The following SGMS1 variants were observed in gnomAD, a reference collection of about 807,000 sequenced individuals.
The protein encoded by SGMS1 is phosphatidylcholine:ceramide cholinephosphotransferase 1.
Under a neutral mutation model 46.2 loss-of-function variants are expected in SGMS1, and 13 were observed. That is an observed-to-expected ratio of 0.28 (90% CI 0.18 to 0.45). The LOEUF (loss-of-function observed/expected upper bound fraction) is 0.45, where lower values mean the gene tolerates loss of function less well. Among genes scored for constraint, SGMS1 ranks in the 20% least tolerant of loss-of-function variants. The pLI, the probability that SGMS1 is intolerant of heterozygous loss-of-function variation, is 1.00. For missense variants in SGMS1, 324 were observed against 519.9 expected (o/e 0.62, Z 3.66); for synonymous variants, 203 against 187.8 (o/e 1.08, Z -0.66).
chr10:50,557,672 C>A (rs1838199570), intron 2 of SGMS1, among the ~76,000 whole-genome samples: 2 of 131,380 alleles, frequency 1.5e-5, no homozygotes, highest in Admixed American at 7.8e-5. Context: ...AATAAACACA[C>A]AAACTCTAAC....
At position 50,500,357 on chromosome 10, in the gene SGMS1, T is replaced by A. The variant is rs548277297; in HGVS notation, c.-498+19474A>T. ...TGTTCTGTTTATAGAAATTTACTAA[T>A]AAATTACAGTAAAATATAAAACAAT... On this transcript the variant is annotated intron_variant, in intron 3 of 10. Transcript: ENST00000361781. Among the ~76,000 whole-genome samples the A allele has an allele frequency of 3.9e-5, 6 of 152,250 alleles. No individual in the cohort carries two copies. In the South Asian group the frequency reaches 1.2e-3, roughly 32 times the overall value.
intron 5 of SGMS1, among the ~76,000 whole-genome samples, chr10:50,442,286 C>G (rs1849556195): frequency 6.6e-6 from 1 of 151,740 alleles, no homozygotes; most frequent in African/African-American, 2.4e-5. Flanking sequence ...TTTCGTCACC[C>G]AAGTATTAAG....
intron 2 of SGMS1, among the ~76,000 whole-genome samples, chr10:50,539,116 G>A (rs889655405): frequency 2.0e-5 from 3 of 152,238 alleles, no homozygotes; most frequent in African/African-American, 7.2e-5. Context: ...GCCCTGGTGA[G>A]CATGAAGGGC....
chr10:50,391,640 C>T (rs1848768739), intron 6 of SGMS1, among the ~76,000 whole-genome samples: 1 of 151,968 alleles, frequency 6.6e-6, no homozygotes, highest in Non-Finnish European at 1.5e-5. Context: ...ACAGAATTAC[C>T]ATTAGACCTA....
chr10:50,375,510 G>A (rs531720550), intron 6 of SGMS1, among the ~76,000 whole-genome samples: 141 of 152,294 alleles, frequency 9.3e-4, no homozygotes, highest in African/African-American at 2.9e-3. Context: ...GTTGGCCAAG[G>A]CACAAATCTT....
chr10:50,477,761 G>A (rs188861024), intron 3 of SGMS1, among the ~76,000 whole-genome samples: 162 of 152,240 alleles, frequency 1.1e-3, no homozygotes, highest in African/African-American at 3.8e-3. Flanking sequence ...TAAAACATGT[G>A]TAGTACCTCC....
At chr10:50,623,266 G>C (rs913817818) in intron 1 of SGMS1, among the ~76,000 whole-genome samples, 2 of 152,162 alleles carry the variant, frequency 1.3e-5, no homozygotes, top group African/African-American at 4.8e-5. Flanking sequence ...TGGGGGTGGA[G>C]CCGTGATTGG....
At chr10:50,342,870 ACT>A in intron 7 of SGMS1, 1 of 152,166 alleles carries the variant, frequency 6.6e-6, no homozygotes, top group East Asian at 1.9e-4. Context: ...CCTACTTAAA[ACT>A]CTGAGAAATT....
At chr10:50,517,086 G>A (rs996163064) in intron 3 of SGMS1, among the ~76,000 whole-genome samples, 2 of 152,154 alleles carry the variant, frequency 1.3e-5, no homozygotes, top group Non-Finnish European at 2.9e-5. Flanking sequence ...AAGTGGTCCT[G>A]GGTCTGTAGC....
intron 1 of SGMS1, among the ~76,000 whole-genome samples, chr10:50,612,107 C>G (rs1259198324): frequency 1.3e-5 from 2 of 152,198 alleles, no homozygotes; most frequent in Non-Finnish European, 2.9e-5. Context: ...ACCATCCTGC[C>G]CCAGGGCTTT....
At chr10:50,561,913 A>G (rs1320502786) in intron 2 of SGMS1, among the ~76,000 whole-genome samples, 1 of 152,004 alleles carries the variant, frequency 6.6e-6, no homozygotes, top group African/African-American at 2.4e-5. Flanking sequence ...CCACTCCCAG[A>G]CAAGGCAAGG....
At chr10:50,354,777 C>T (rs1317134522) in intron 6 of SGMS1, among the ~76,000 whole-genome samples, 8 of 152,098 alleles carry the variant, frequency 5.3e-5, no homozygotes, top group African/African-American at 9.7e-5. Flanking sequence ...AAAAAGTGAG[C>T]GAAGGATATG....
At chr10:50,419,552 A>G (rs1849226771) in intron 6 of SGMS1, among the ~76,000 whole-genome samples, 1 of 152,220 alleles carries the variant, frequency 6.6e-6, no homozygotes, top group Non-Finnish European at 1.5e-5. Context: ...TACTTTTAAA[A>G]AAGTAAGAGT....
intron 6 of SGMS1, among the ~76,000 whole-genome samples, chr10:50,360,101 C>T (rs1229762319): frequency 6.6e-6 from 1 of 152,068 alleles, no homozygotes; most frequent in Non-Finnish European, 1.5e-5. Context: ...CCTTCATTAG[C>T]TTTCTTAAAA....
At chr10:50,333,657 T>G (rs1275765069) in intron 7 of SGMS1, among the ~76,000 whole-genome samples, 1 of 152,128 alleles carries the variant, frequency 6.6e-6, no homozygotes, top group African/African-American at 2.4e-5. Context: ...GGAGAGAAAA[T>G]TCTAAGGAAA....
At chr10:50,332,986 T>C (rs1229091354) in intron 7 of SGMS1, among the ~76,000 whole-genome samples, 1 of 152,204 alleles carries the variant, frequency 6.6e-6, no homozygotes, top group Admixed American at 6.5e-5. Context: ...TGTCAATTTC[T>C]TTCTCTGGCC....
At chr10:50,430,431 C>A (rs995293829) in intron 6 of SGMS1, among the ~76,000 whole-genome samples, 1 of 136,438 alleles carries the variant, frequency 7.3e-6, no homozygotes, top group Admixed American at 7.8e-5. Flanking sequence ...GAAAATAAAG[C>A]ATGTATCTAA....
chr10:50,427,324 G>C (rs1849340580), intron 6 of SGMS1, among the ~76,000 whole-genome samples: 1 of 152,194 alleles, frequency 6.6e-6, no homozygotes, highest in Non-Finnish European at 1.5e-5. Flanking sequence ...GCATGAACCC[G>C]GTAGGTGGAG....
Position 50,356,185 on chromosome 10 carries a change from A to G in SGMS1, c.-231-11840T>C, listed in dbSNP as rs577661352. ...TGTCTGTGTAGAAAGAAGTAGACAT[A>G]GGAGACTCCATTTTGTTCTCTACTA... On this transcript the variant is annotated intron_variant, in intron 6 of 10. Coordinates refer to ENST00000361781, the MANE Select transcript of SGMS1 (RefSeq NM_147156.4). Among the ~76,000 whole-genome samples, 7 of 152,386 alleles carry G rather than the reference A, an allele frequency of 4.6e-5. No individual in the cohort carries two copies. The East Asian group carries it at 1.3e-3, about 29-fold the overall frequency.
Sources: allele counts gnomAD v4.1 joint callset (sites outside exome capture counted in the v4.1 genomes callset), GRCh38; gene constraint gnomAD v4.1.1; transcripts MANE v1.5; gene names NCBI Gene and HGNC (gene_info 2026-07-23, HGNC 2026-07-21).